The following SLC12A7 variants were observed in gnomAD, a reference collection of about 807,000 sequenced individuals.
SLC12A7 encodes solute carrier family 12 member 7.
A neutral mutation model predicts 120.6 loss-of-function variants in SLC12A7; 100 were observed. That is an observed-to-expected ratio of 0.83 (90% CI 0.71 to 0.98). The LOEUF (loss-of-function observed/expected upper bound fraction) is 0.98. SLC12A7 is among the 50% of genes least tolerant of loss of function. The probability of loss-of-function intolerance (pLI) is 0.00; values close to 1 mark genes in which losing one functional copy is unlikely to be tolerated. For missense variants in SLC12A7, 1,373 were observed against 1,548.1 expected (o/e 0.89, Z 1.90); for synonymous variants, 760 against 678.0 (o/e 1.12, Z -1.88).
At chr5:1,148,209 T>TC in the SLC12A7 span, among the ~76,000 whole-genome samples, 33 of 139,656 alleles carry the variant, frequency 2.4e-4, no homozygotes, top group Non-Finnish European at 4.4e-4. Flanking sequence ...TTCTTTCTTT[T>TC]TTTTTTTTTT....
the SLC12A7 span, among the ~76,000 whole-genome samples, chr5:1,132,603 G>T: frequency 2.0e-5 from 3 of 152,106 alleles, no homozygotes; most frequent in African/African-American, 7.2e-5. Context: ...AGGGGGCCCT[G>T]ACTCATGAAG....
upstream of SLC12A7, among the ~76,000 whole-genome samples, chr5:1,115,168 T>A (rs1743265060): frequency 6.6e-6 from 1 of 152,224 alleles, no homozygotes; most frequent in African/African-American, 2.4e-5. Flanking sequence ...GTGAGCCTGG[T>A]CATCTGCGAT....
the SLC12A7 span, among the ~76,000 whole-genome samples, chr5:1,120,417 G>A: frequency 1.3e-5 from 2 of 152,246 alleles, no homozygotes; most frequent in Non-Finnish European, 2.9e-5. Context: ...GGAGGAGCAC[G>A]TGGAGATGCC....
the SLC12A7 span, among the ~76,000 whole-genome samples, chr5:1,143,959 G>C: frequency 0.067 from 8,978 of 133,054 alleles, 240 homozygotes; most frequent in South Asian, 0.098. Context: ...CCTGGCGCTG[G>C]GAAACCTGGC....
At chr5:1,098,010 G>A (rs1447658065) in intron 1 of SLC12A7, among the ~76,000 whole-genome samples, 1 of 151,884 alleles carries the variant, frequency 6.6e-6, no homozygotes, top group East Asian at 1.9e-4. Flanking sequence ...GACGTCATGG[G>A]CTCAATGCCA....
chr5:1,143,493 A>G, the SLC12A7 span, among the ~76,000 whole-genome samples: 7 of 152,090 alleles, frequency 4.6e-5, no homozygotes, highest in African/African-American at 1.7e-4. Context: ...GACACGTCCT[A>G]TTGGGTCAGG....
chr5:1,055,241 ATG>A (rs1392513892), intron 22 of SLC12A7, among the ~76,000 whole-genome samples: 1 of 152,206 alleles, frequency 6.6e-6, no homozygotes, highest in African/African-American at 2.4e-5. Flanking sequence ...TGCAGTCACA[ATG>A]TGCAAATGCG....
chr5:1,055,296 C>T (rs936323971), intron 22 of SLC12A7, among the ~76,000 whole-genome samples: 3 of 152,254 alleles, frequency 2.0e-5, no homozygotes, highest in African/African-American at 7.2e-5. Context: ...TATGTGCACA[C>T]AGACATGCAC....
At chr5:1,056,663 C>T (rs959124301) in intron 22 of SLC12A7, 6 of 858,206 alleles carry the variant, frequency 7.0e-6, no homozygotes, top group Non-Finnish European at 8.4e-6. Context: ...TGTTCCAGAT[C>T]GCATGGCTGC....
intron 20 of SLC12A7, among the ~76,000 whole-genome samples, 162 bp downstream of exon 20, chr5:1,063,679 CCGA>C (rs1459233838): frequency 4.8e-5 from 3 of 61,948 alleles, no homozygotes; most frequent in African/African-American, 1.4e-4. Context: ...CACAGCCCTC[CCGA>C]TCTCCACTTC....
the SLC12A7 span, among the ~76,000 whole-genome samples, chr5:1,128,820 A>G: frequency 2.0e-5 from 3 of 152,236 alleles, no homozygotes; most frequent in Admixed American, 1.3e-4. Context: ...GCCTTTTCCT[A>G]GAATGGATCA....
chr5:1,106,864 T>C (rs528732577), intron 1 of SLC12A7, among the ~76,000 whole-genome samples: 2 of 152,332 alleles, frequency 1.3e-5, no homozygotes, highest in Non-Finnish European at 2.9e-5. Flanking sequence ...ACTAAAGCAG[T>C]TGTGATGAAA....
the SLC12A7 span, among the ~76,000 whole-genome samples, chr5:1,146,752 C>A: frequency 4.6e-5 from 7 of 152,206 alleles, no homozygotes; most frequent in African/African-American, 7.2e-5. This position sits in a 1 kb window ranked among gnomAD's most constrained non-coding sequence, Gnocchi z 6.5. Context: ...CCTCCACAGC[C>A]CCTTACCCTA....
At chr5:1,081,534 GA>G in intron 9 of SLC12A7, 42 bp downstream of exon 9, 1 of 1,575,746 alleles carries the variant, frequency 6.3e-7, no homozygotes, top group South Asian at 1.1e-5. Flanking sequence ...AAAAGAGAGG[GA>G]GAGAAAGAAA....
At chr5:1,060,536 G>A in intron 20 of SLC12A7, 85 bp from the exon 21 acceptor site, 1 of 1,056,610 alleles carries the variant, frequency 9.5e-7, no homozygotes. Context: ...CAGAGACCGA[G>A]CCGCCCTGAG....
At position 1,053,631 on chromosome 5, in the gene SLC12A7, T is replaced by C. The variant is rs1735292440; in HGVS notation, c.3027-149A>G. 25 of 1,112,426 alleles carry C rather than the reference T, an allele frequency of 2.2e-5. No homozygotes were observed. In the East Asian group the frequency reaches 6.5e-4, roughly 29 times the overall value. The allele number at this position is 1,112,426 out of a possible 1,614,324, so 68.9% of individuals were successfully genotyped here. On this transcript the variant is annotated intron_variant, in intron 22 of 23. Coordinates refer to ENST00000264930, the MANE Select transcript of SLC12A7 (RefSeq NM_006598.3). ...AGGCGGATTCTCTGACCCTGAAGGATGCAGAAGTGGCGGCTCCGAGCGAAA... is the reference window on the plus strand; with the variant it reads ...AGGCGGATTCTCTGACCCTGAAGGACGCAGAAGTGGCGGCTCCGAGCGAAA...
the SLC12A7 span, among the ~76,000 whole-genome samples, chr5:1,148,959 C>T: frequency 6.6e-6 from 1 of 152,156 alleles, no homozygotes; most frequent in Admixed American, 6.5e-5. Context: ...CAACAGCTGC[C>T]CATAATTTTT....
intron 21 of SLC12A7, 124 bp downstream of exon 21, chr5:1,060,220 G>A (rs370142904): frequency 5.5e-5 from 40 of 725,928 alleles, no homozygotes; most frequent in Middle Eastern, 8.0e-4. Context: ...AGCCTGCGAC[G>A]CAGTACCTGA....
the SLC12A7 span, among the ~76,000 whole-genome samples, chr5:1,125,651 A>G: frequency 6.6e-6 from 1 of 152,212 alleles, no homozygotes; most frequent in African/African-American, 2.4e-5. Context: ...TGGGCCGGGC[A>G]CAGTGGCTCA....
Sources: allele counts gnomAD v4.1 joint callset (sites outside exome capture counted in the v4.1 genomes callset), GRCh38; gene constraint gnomAD v4.1.1; non-coding constraint Gnocchi (gnomAD v3.1); transcripts MANE v1.5; gene names NCBI Gene and HGNC (gene_info 2026-07-23, HGNC 2026-07-21).